Variants in SRPK1 observed in about 807,000 individuals in gnomAD.
SRPK1 encodes the protein SFRS protein kinase 1.
In SRPK1, 52 loss-of-function variants were observed where a neutral mutation model predicts 89.5. The observed-to-expected ratio is 0.58, with a 90% CI of 0.46 to 0.73. The LOEUF (loss-of-function observed/expected upper bound fraction) is 0.73. Among genes scored for constraint, SRPK1 ranks in the 30% least tolerant of loss-of-function variants. The pLI is 0.00. For synonymous variants in SRPK1, 255 were observed against 270.2 expected (o/e 0.94, Z 0.55); for missense variants, 603 against 780.6 (o/e 0.77, Z 2.71).
intron 2 of SRPK1, among the ~76,000 whole-genome samples, chr6:35,895,446 TG>T (rs1356682709): frequency 4.0e-5 from 6 of 151,842 alleles, no homozygotes; most frequent in Non-Finnish European, 8.8e-5. Flanking sequence ...TGTGTGTGTG[TG>T]TGTGTGTGTG....
In SRPK1 at chr6:35,835,406, C is replaced by A. The variant is rs550594914; in HGVS notation, c.1866G>T (p.Glu622Asp). 6.2e-7 allele frequency: 1 copy of A among 1,613,754 alleles called. No homozygotes were observed. Among genetic ancestry groups the A allele is most frequent in the Non-Finnish European group, 8.5e-7 (1 of 1,179,824 alleles). ...LVEKYEWSQEEAAGFTDFLLP... is the reference protein window; with the variant it reads ...LVEKYEWSQEDAAGFTDFLLP... ...GTAAGAAATCTGTGAAGCCAGCTGC[C>A]TCTTCCTGCGACCACTCATACTTCT... The change falls in exon 16 of 16, where the codon GAG (glutamate) becomes GAT (aspartate). Residue 622 changes from glutamate (E) to aspartate (D), a missense_variant. Transcript: ENST00000373825.
At chr6:35,845,708 T>A (rs760192148) in intron 13 of SRPK1, among the ~76,000 whole-genome samples, 1 of 152,036 alleles carries the variant, frequency 6.6e-6, no homozygotes, top group African/African-American at 2.4e-5. Flanking sequence ...AAACAGAAAA[T>A]GAGGAGTTTC....
chr6:35,912,925 A>T (rs1771002569), intron 2 of SRPK1, among the ~76,000 whole-genome samples: 1 of 152,196 alleles, frequency 6.6e-6, no homozygotes, highest in African/African-American at 2.4e-5. Flanking sequence ...CTGGGACTAC[A>T]GGCACGTGCC....
intron 14 of SRPK1, among the ~76,000 whole-genome samples, chr6:35,840,919 C>T (rs529868815): frequency 6.6e-6 from 1 of 152,124 alleles, no homozygotes; most frequent in South Asian, 2.1e-4. Flanking sequence ...TTTCCTTGTC[C>T]CCTTATTTGG....
At chr6:35,854,698 A>G (rs1405846579) in intron 13 of SRPK1, among the ~76,000 whole-genome samples, 2 of 146,198 alleles carry the variant, frequency 1.4e-5, no homozygotes, top group South Asian at 2.3e-4. Context: ...CCCCCCAAAC[A>G]AAACAGAAAT....
Position 35,870,384 on chromosome 6 carries a change from C to T in SRPK1, c.888G>A (p.Ser296=), listed in dbSNP as rs966371466. 4.4e-6 allele frequency: 7 copies of T among 1,600,092 alleles called. No individual in the cohort carries two copies. The highest frequency in any genetic ancestry group is 6.0e-6 in the Non-Finnish European group (7 of 1,172,552). Residue 296 remains serine (S), a synonymous_variant, in exon 10 of 16, where the codon TCG becomes TCA. Coordinates refer to ENST00000373825, the MANE Select transcript of SRPK1 (RefSeq NM_003137.5). ...MQEIEEMEKE[S]GPGQKRPNKQ... ...TGTTTGGTCTTTTTTGCCCAGGGCC[C>T]GACTCTTTCTCCATTTCCTCAATTT...
rs1770506022 is a variant in SRPK1, at chr6:35,890,968, A to T, written c.120T>A (p.Asp40Glu). The change falls in exon 3 of 16, where the codon GAT becomes GAA. Residue 40 changes from aspartate to glutamate, a missense_variant. Transcript: ENST00000373825. ...HRGSAPHSES[D>E]LPEQEEEILG... ...GAATCTCCTCTTCCTGCTCTGGTAGATCACTCTCAGAGTGGGGAGCAGAGC... is the reference window on the plus strand; with the variant it reads ...GAATCTCCTCTTCCTGCTCTGGTAGTTCACTCTCAGAGTGGGGAGCAGAGC... 2 of 1,553,622 alleles carry T rather than the reference A, an allele frequency of 1.3e-6. No individual in the cohort carries two copies. The highest frequency in any genetic ancestry group is 2.0e-5 in the Admixed American group (1 of 51,176).
chr6:35,851,190 C>CT (rs532327162), intron 13 of SRPK1, among the ~76,000 whole-genome samples: 214 of 136,700 alleles, frequency 1.6e-3, no homozygotes, highest in Middle Eastern at 7.4e-3. Context: ...TTTTTTTTTT[C>CT]TTTTTTTTTT....
intron 2 of SRPK1, among the ~76,000 whole-genome samples, chr6:35,911,170 C>T (rs141991044): frequency 1.3e-5 from 2 of 152,244 alleles, no homozygotes; most frequent in African/African-American, 2.4e-5. Flanking sequence ...AAAGGATTCA[C>T]GATTCTATAT....
intron 10 of SRPK1, 54 bp from the exon 11 acceptor site, chr6:35,869,955 A>G (rs1769995265): frequency 6.8e-6 from 10 of 1,478,700 alleles, no homozygotes; most frequent in Admixed American, 2.3e-5. Context: ...GAGTGAAAGA[A>G]CAGAAACATT....
At chr6:35,883,037 G>C (rs913933282) in intron 6 of SRPK1, among the ~76,000 whole-genome samples, 2 of 152,158 alleles carry the variant, frequency 1.3e-5, no homozygotes, top group Non-Finnish European at 2.9e-5. Flanking sequence ...TTGAACTCCT[G>C]ACCTCGTGAT....
chr6:35,857,385 A>C lies in SRPK1; in HGVS notation c.1513-17T>G. 1 of 1,561,820 alleles carries C rather than the reference A, an allele frequency of 6.4e-7. No homozygotes were observed. The highest frequency in any genetic ancestry group is 1.3e-5 in the African/African-American group (1 of 74,150). On this transcript the variant is annotated splice_polypyrimidine_tract_variant and intron_variant, in intron 12 of 15. Coordinates refer to ENST00000373825, the MANE Select transcript of SRPK1 (RefSeq NM_003137.5). Reference sequence around the variant, plus strand: ...ATGTTTGTGCTGAGAAAATGAAGGAAACAATATTTTAAACTTCATTCTAAA... The same window carrying C: ...ATGTTTGTGCTGAGAAAATGAAGGACACAATATTTTAAACTTCATTCTAAA...
intron 14 of SRPK1, among the ~76,000 whole-genome samples, chr6:35,839,800 C>A (rs1456470766): frequency 6.6e-6 from 1 of 152,002 alleles, no homozygotes; most frequent in Non-Finnish European, 1.5e-5. Flanking sequence ...GTGTCTCAGC[C>A]TCCTGAGTAG....
intron 13 of SRPK1, among the ~76,000 whole-genome samples, chr6:35,849,641 CA>C (rs1299188049): frequency 6.6e-6 from 1 of 152,018 alleles, no homozygotes; most frequent in Non-Finnish European, 1.5e-5. Flanking sequence ...GATAAACAGA[CA>C]ATAAAATGTG....
chr6:35,856,863 G>A (rs1769676561), intron 13 of SRPK1: 1 of 158,156 alleles, frequency 6.3e-6, no homozygotes, highest in Admixed American at 6.4e-5. Context: ...GAGCTGCAAA[G>A]GTATCTGAGG....
intron 6 of SRPK1, among the ~76,000 whole-genome samples, chr6:35,875,603 G>A (rs1364287513): frequency 6.6e-6 from 1 of 152,142 alleles, no homozygotes; most frequent in Non-Finnish European, 1.5e-5. Flanking sequence ...GTGGAGGCAG[G>A]AGGAAGAGAA....
intron 12 of SRPK1, among the ~76,000 whole-genome samples, chr6:35,859,323 G>A (rs777987971): frequency 1.3e-5 from 2 of 152,124 alleles, no homozygotes; most frequent in Non-Finnish European, 2.9e-5. Context: ...AAAGAAGTAG[G>A]CAGATTTTTA....
intron 2 of SRPK1, among the ~76,000 whole-genome samples, chr6:35,913,464 C>T (rs1771016423): frequency 6.6e-6 from 1 of 150,640 alleles, no homozygotes; most frequent in African/African-American, 2.4e-5. Flanking sequence ...ACTACACTCC[C>T]ACCTGGGCAA....
intron 2 of SRPK1, among the ~76,000 whole-genome samples, chr6:35,904,416 C>A (rs902088119): frequency 1.3e-5 from 2 of 152,188 alleles, no homozygotes; most frequent in Non-Finnish European, 1.5e-5. Flanking sequence ...TTAATGCCTA[C>A]CTTTCACCAT....
Sources: allele counts gnomAD v4.1 joint callset (sites outside exome capture counted in the v4.1 genomes callset), GRCh38; gene constraint gnomAD v4.1.1; transcripts MANE v1.5; gene names NCBI Gene and HGNC (gene_info 2026-07-23, HGNC 2026-07-21).